The following SLC36A1 variants were observed in gnomAD, a reference collection of about 807,000 sequenced individuals.
The protein encoded by SLC36A1 is proton-coupled amino acid transporter 1.
Under a neutral mutation model 47.5 loss-of-function variants are expected in SLC36A1, and 30 were observed. That is an observed-to-expected ratio of 0.63 (90% CI 0.47 to 0.86). The LOEUF (loss-of-function observed/expected upper bound fraction) is 0.86. SLC36A1 is among the 40% of genes least tolerant of loss of function. The probability of loss-of-function intolerance (pLI) is 0.00; values close to 1 mark genes in which losing one functional copy is unlikely to be tolerated. For missense variants in SLC36A1, 517 were observed against 606.0 expected (o/e 0.85, Z 1.54); for synonymous variants, 255 against 249.7 (o/e 1.02, Z -0.20).
At chr5:151,494,122 A>G (rs2077210503), downstream of SLC36A1, among the ~76,000 whole-genome samples, 1 of 152,076 alleles carries the variant, frequency 6.6e-6, no homozygotes. Flanking sequence ...TTGCATTACT[A>G]CTGGAGGCAT....
At chr5:151,544,751 A>G in the SLC36A1 span, 1 of 1,614,178 alleles carries the variant, frequency 6.2e-7, no homozygotes, top group Non-Finnish European at 8.5e-7. Context: ...TTCTTGAGTG[A>G]TATGTCCCCA....
the SLC36A1 span, chr5:151,528,017 G>A: frequency 6.2e-7 from 1 of 1,614,178 alleles, no homozygotes; most frequent in Non-Finnish European, 8.5e-7. Context: ...CCAGGGCCTT[G>A]GCCACCTGTA....
At chr5:151,494,963 A>G (rs1760296495), downstream of SLC36A1, among the ~76,000 whole-genome samples, 1 of 152,218 alleles carries the variant, frequency 6.6e-6, no homozygotes, top group Non-Finnish European at 1.5e-5. Flanking sequence ...ATAAATACTC[A>G]TGTACAGGTC....
At chr5:151,351,138 C>G in the SLC36A1 span, among the ~76,000 whole-genome samples, 4 of 152,078 alleles carry the variant, frequency 2.6e-5, no homozygotes, top group African/African-American at 7.2e-5. Context: ...AGAGGAGAAC[C>G]ATTTTTATGA....
chr5:151,426,008 C>T, the SLC36A1 span, among the ~76,000 whole-genome samples: 1 of 80,606 alleles, frequency 1.2e-5, no homozygotes, highest in East Asian at 4.1e-4. Context: ...CTATCTATAC[C>T]TATGTCCATA....
At chr5:151,454,710 CTTTTTT>C (rs34814099) in intron 1 of SLC36A1, among the ~76,000 whole-genome samples, 1 of 107,930 alleles carries the variant, frequency 9.3e-6, no homozygotes, top group East Asian at 2.9e-4. Flanking sequence ...CATGTGACAG[CTTTTTT>C]TTTTTTTTTT....
the SLC36A1 span, among the ~76,000 whole-genome samples, chr5:151,523,252 A>C: frequency 6.6e-6 from 1 of 152,062 alleles, no homozygotes; most frequent in African/African-American, 2.4e-5. Flanking sequence ...AGCTAACATT[A>C]GTTACAACAA....
At chr5:151,458,334 G>GT (rs1754969368) in intron 1 of SLC36A1, among the ~76,000 whole-genome samples, 1 of 100,782 alleles carries the variant, frequency 9.9e-6, no homozygotes, top group African/African-American at 3.7e-5. Context: ...ATATATATAT[G>GT]GGATATTTAT....
At chr5:151,455,569 C>G (rs985310820) in intron 1 of SLC36A1, among the ~76,000 whole-genome samples, 1 of 152,102 alleles carries the variant, frequency 6.6e-6, no homozygotes, top group East Asian at 1.9e-4. Context: ...AGAGGTTTCT[C>G]GGTTGCTAGG....
chr5:151,497,555 CAAA>C, the SLC36A1 span, among the ~76,000 whole-genome samples: 4 of 152,176 alleles, frequency 2.6e-5, no homozygotes, highest in African/African-American at 9.7e-5. Flanking sequence ...TAGAAATGAG[CAAA>C]GCCATATGCA....
chr5:151,390,808 A>T, the SLC36A1 span, among the ~76,000 whole-genome samples: 3 of 151,962 alleles, frequency 2.0e-5, no homozygotes, highest in Non-Finnish European at 2.9e-5. Flanking sequence ...TGGTTACTGT[A>T]GCCTTGTAAT....
the SLC36A1 span, among the ~76,000 whole-genome samples, chr5:151,519,549 C>T: frequency 2.0e-5 from 3 of 151,930 alleles, no homozygotes; most frequent in Non-Finnish European, 4.4e-5. Flanking sequence ...CTGGGTGGCA[C>T]GTGGAAATAT....
At chr5:151,513,623 A>G in the SLC36A1 span, among the ~76,000 whole-genome samples, 1 of 133,916 alleles carries the variant, frequency 7.5e-6, no homozygotes, top group South Asian at 2.5e-4. Flanking sequence ...GGTTAAGGAC[A>G]AAAAACTACC....
At chr5:151,487,866 T>A in intron 10 of SLC36A1, 117 bp from the exon 11 acceptor site, 21 of 1,257,288 alleles carry the variant, frequency 1.7e-5, no homozygotes, top group Non-Finnish European at 2.3e-5. Flanking sequence ...AATGTCTAAG[T>A]TTTCTTAGAG....
At chr5:151,449,559 CA>C (rs2127449328) in intron 1 of SLC36A1, among the ~76,000 whole-genome samples, 1 of 152,268 alleles carries the variant, frequency 6.6e-6, no homozygotes, top group East Asian at 1.9e-4. Context: ...CCTCTTGTGG[CA>C]GTTCGAAGTG....
the SLC36A1 span, among the ~76,000 whole-genome samples, chr5:151,409,127 G>A: frequency 6.6e-6 from 1 of 151,810 alleles, no homozygotes; most frequent in Non-Finnish European, 1.5e-5. Flanking sequence ...AGCCTCTGAA[G>A]TAGCTGGGAC....
At chr5:151,434,456 G>A (rs1369589670), upstream of SLC36A1, among the ~76,000 whole-genome samples, 1 of 152,142 alleles carries the variant, frequency 6.6e-6, no homozygotes, top group Non-Finnish European at 1.5e-5. Flanking sequence ...GGGCTTGATA[G>A]GAGATTATGC....
chr5:151,487,818 T>C (rs165367), intron 10 of SLC36A1, among the ~76,000 whole-genome samples, 165 bp from the exon 11 acceptor site: 22,180 of 152,244 alleles, frequency 0.15, 1,988 homozygotes, highest in Non-Finnish European at 0.21. Flanking sequence ...AGTTATTCCA[T>C]GTTTCTGGGC....
intron 1 of SLC36A1, among the ~76,000 whole-genome samples, chr5:151,449,457 C>A (rs1753280745): frequency 6.6e-6 from 1 of 152,192 alleles, no homozygotes; most frequent in Admixed American, 6.5e-5. Context: ...CAGCTTTAAG[C>A]CTCTCCCTTT....
Sources: allele counts gnomAD v4.1 joint callset (sites outside exome capture counted in the v4.1 genomes callset), GRCh38; gene constraint gnomAD v4.1.1; transcripts MANE v1.5; gene names NCBI Gene and HGNC (gene_info 2026-07-23, HGNC 2026-07-21).